The following RNF166 variants were observed in gnomAD, a reference collection of about 807,000 sequenced individuals.
RNF166 encodes the protein ring finger protein 166, also known as E3 ubiquitin-protein ligase RNF166.
A neutral mutation model predicts 29.4 loss-of-function variants in RNF166; 19 were observed. That is an observed-to-expected ratio of 0.65 (90% confidence interval 0.45 to 0.95). The LOEUF is 0.95. RNF166 is among the 40% of genes least tolerant of loss of function. The pLI is 0.00. For synonymous variants in RNF166, 171 were observed against 134.5 expected, an observed-to-expected ratio of 1.27 and a Z score of -1.88; for missense variants, 347 against 322.1, an observed-to-expected ratio of 1.08 and a Z score of -0.59.
At chr16:88,705,620 C>G (rs1034742855) in intron 1 of RNF166, among the ~76,000 whole-genome samples, 2 of 152,240 alleles carry the variant, frequency 1.3e-5, no homozygotes, top group African/African-American at 4.8e-5. Context: ...TGCCTGGCTA[C>G]TCAGTGATCG....
intron 1 of RNF166, 163 bp from the exon 2 acceptor site, chr16:88,701,581 C>T (rs1478015628): frequency 1.5e-6 from 1 of 668,428 alleles, no homozygotes; most frequent in African/African-American, 1.9e-5. Flanking sequence ...ATGTCCGGGG[C>T]CCACCAGCTG....
intron 2 of RNF166, chr16:88,700,495 C>T: frequency 3.3e-6 from 2 of 614,468 alleles, no homozygotes; most frequent in Non-Finnish European, 4.1e-6. Context: ...AGGGCAGCCC[C>T]TGGACATCTG....
Position 88,697,629 on chromosome 16 carries a change from T to C in RNF166, c.653A>G (p.Tyr218Cys). The C allele has an allele frequency of 6.4e-7, 1 of 1,551,058 alleles. No homozygotes were observed. The highest frequency in any genetic ancestry group is 8.7e-7 in the Non-Finnish European group (1 of 1,146,916). Residue 218 changes from tyrosine to cysteine, a missense_variant, in exon 6 of 6, where the codon TAC (tyrosine) becomes TGC (cysteine). Tyr to Cys is a radical substitution (Grantham distance 194). Coordinates refer to ENST00000312838, the MANE Select transcript of RNF166 (RefSeq NM_178841.4). ...HKFSYDTFVD[Y>C]SIDEEAAFQA... is the part of the protein sequence containing the mutation. ...GAAGGCGGCCTCCTCGTCAATACTG[T>C]AGTCCTGGAGACAGGAAGGAGAGAT...
At position 88,696,589 on chromosome 16, in the gene RNF166, G is replaced by A. The variant is rs185084232; in HGVS notation, c.*979C>T. On this transcript the variant is annotated 3_prime_UTR_variant, in exon 6 of 6. Coordinates refer to ENST00000312838, the MANE Select transcript of RNF166 (RefSeq NM_178841.4). ...GAACAGAAAAGAATGTTGACGTGTT[G>A]CCCGGCCCGCCAAGCGGGCCCCTGC... is the stretch of plus-strand genomic sequence containing the variant. 9.6e-4 allele frequency: 434 copies of A among 453,932 alleles called. 1 individual carries two copies. The highest frequency in any genetic ancestry group is 7.5e-3 in the African/African-American group (376 of 49,910). 28.1% of individuals were successfully genotyped at this position (453,932 alleles called of 1,614,324 possible).
At position 88,696,720 on chromosome 16, in the gene RNF166, G is replaced by A. The variant is rs1909671290; in HGVS notation, c.*848C>T. On this transcript the variant is annotated 3_prime_UTR_variant, in exon 6 of 6. Coordinates refer to ENST00000312838, the MANE Select transcript of RNF166 (RefSeq NM_178841.4). Reference sequence around the variant, plus strand: ...GCCAAGGCCAGGACTCTGGGTGGAGGAGGCCCCTTCTCTGCCGGCCCCGCC... The same window carrying A: ...GCCAAGGCCAGGACTCTGGGTGGAGAAGGCCCCTTCTCTGCCGGCCCCGCC... 1 of 408,270 alleles carries A rather than the reference G, an allele frequency of 2.4e-6. No individual in the cohort carries two copies. The highest frequency in any genetic ancestry group is 4.8e-6 in the Non-Finnish European group (1 of 209,522). 25.3% of individuals were successfully genotyped at this position (408,270 alleles called of 1,614,324 possible). A position where few individuals can be genotyped will look rare whatever the true frequency, so the allele number is the denominator to read the frequency against.
intron 2 of RNF166, 78 bp downstream of exon 2, chr16:88,701,184 C>T (rs1164476158): frequency 1.3e-6 from 2 of 1,561,158 alleles, no homozygotes; most frequent in East Asian, 2.2e-5. Flanking sequence ...GCCCCGGCCC[C>T]CACCCTCTGC....
chr16:88,697,775 A>C (rs1015302231), intron 5 of RNF166, 142 bp from the exon 6 acceptor site: 2 of 654,738 alleles, frequency 3.1e-6, no homozygotes, highest in Admixed American at 4.7e-5. Context: ...CACTGTCCCC[A>C]CAGGCTCGGG....
At position 88,699,090 on chromosome 16, in the gene RNF166, C is replaced by A; in HGVS notation, c.426-5G>T. ...GTGGACCTGTTGGGGATGTTGCTGG[C>A]GGGGCGGGGGTAGAGTGAGTGGCAC... On this transcript the variant is annotated splice_polypyrimidine_tract_variant and splice_region_variant and intron_variant, in intron 3 of 5. Transcript: ENST00000312838. The A allele has an allele frequency of 6.3e-7, 1 of 1,591,996 alleles. No homozygotes were observed. The highest frequency in any genetic ancestry group is 8.6e-7 in the Non-Finnish European group (1 of 1,166,474).
At chr16:88,703,878 C>G (rs943433603) in intron 1 of RNF166, 1 of 985,480 alleles carries the variant, frequency 1.0e-6, no homozygotes, top group Non-Finnish European at 1.2e-6. Context: ...GGCCAGCACC[C>G]TCAGCAAGCC....
At position 88,700,688 on chromosome 16, in the gene RNF166, C is replaced by T. The variant is rs574155591; in HGVS notation, c.312+574G>A. ...TGGCTGGGGCCTCTCCACCCTGAAG[C>T]GGATGTGCCAGGGAGGGCCACGGGG... On this transcript the variant is annotated intron_variant, in intron 2 of 5. Transcript: ENST00000312838. 1.8e-4 allele frequency: 173 copies of T among 987,482 alleles called. No homozygotes were observed. In the Middle Eastern group the frequency reaches 5.7e-3, roughly 33 times the overall value. The allele number at this position is 987,482 out of a possible 1,614,324, so 61.2% of individuals were successfully genotyped here. A position where few individuals can be genotyped will look rare whatever the true frequency, so the allele number is the denominator to read the frequency against.
At position 88,699,053 on chromosome 16, in the gene RNF166, G is replaced by A. The variant is rs1338399475; in HGVS notation, c.458C>T (p.Pro153Leu). 2 of 1,610,762 alleles carry A rather than the reference G, an allele frequency of 1.2e-6. No individual in the cohort carries two copies. The highest frequency in any genetic ancestry group is 1.3e-5 in the African/African-American group (1 of 75,032). Residue 153 changes from proline (P) to leucine (L), a missense_variant, in exon 4 of 6, where the codon CCG (proline) becomes CTG (leucine). Physicochemically the swap from Pro to Leu is moderately conservative, Grantham distance 98. Coordinates refer to ENST00000312838, the MANE Select transcript of RNF166 (RefSeq NM_178841.4). ...GTCCAGGTTGCGGGCACCACAGTAC[G>A]GGCAGGCGAAGGTGGACCTGTTGGG... is the stretch of plus-strand genomic sequence containing the variant. The part of the protein sequence containing the change: ...NIPNRSTFAC[P>L]YCGARNLDQQ...
intron 5 of RNF166, 138 bp downstream of exon 5, chr16:88,698,364 G>T (rs796759551): frequency 5.3e-6 from 4 of 761,432 alleles, no homozygotes; most frequent in African/African-American, 1.7e-5. Flanking sequence ...GAACCTGGGG[G>T]AATGTGGCCA....
At chr16:88,703,927 CCCTTCCAGGCAGGTTCG>C in intron 1 of RNF166, 1 of 985,476 alleles carries the variant, frequency 1.0e-6, no homozygotes, top group Non-Finnish European at 1.2e-6. Flanking sequence ...GCTCACACAG[CCCTTCCAGGCAGGTTCG>C]TGATCACGCG....
chr16:88,699,691 C>T lies in RNF166; in HGVS notation c.354G>A (p.Leu118=). 6.2e-7 allele frequency: 1 copy of T among 1,613,446 alleles called. No individual in the cohort carries two copies. The highest frequency in any genetic ancestry group is 8.5e-7 in the Non-Finnish European group (1 of 1,179,872). ...AGTTGGCCATCTGCTCCTGGACCTT[C>T]AGGCAGGACGAAATGTGCACTCTCA... is the stretch of plus-strand genomic sequence containing the variant. The part of the protein sequence containing the change: ...AKMRVHISSC[L]KVQEQMANCP... Residue 118 remains leucine, a synonymous_variant, in exon 3 of 6, where the codon CTG becomes CTA. Coordinates refer to ENST00000312838, the MANE Select transcript of RNF166 (RefSeq NM_178841.4).
intron 5 of RNF166, 89 bp downstream of exon 5, chr16:88,698,413 C>T: frequency 1.9e-6 from 2 of 1,038,246 alleles, no homozygotes; most frequent in East Asian, 2.6e-5. Context: ...CCTCTGAACC[C>T]TGCGGACCCT....
chr16:88,697,714 G>T, intron 5 of RNF166, 81 bp from the exon 6 acceptor site: 1 of 1,026,196 alleles, frequency 9.7e-7, no homozygotes, highest in Non-Finnish European at 1.5e-6. Flanking sequence ...CCACACAGGC[G>T]TGTCCACCCT....
At chr16:88,701,632 T>A in intron 1 of RNF166, 1 of 536,076 alleles carries the variant, frequency 1.9e-6, no homozygotes, top group East Asian at 3.3e-5. Flanking sequence ...CGGTCCCTCC[T>A]GACAGTAGGC....
intron 1 of RNF166, among the ~76,000 whole-genome samples, chr16:88,704,792 C>G (rs907317287): frequency 1.3e-5 from 2 of 152,196 alleles, no homozygotes; most frequent in African/African-American, 4.8e-5. Flanking sequence ...GAGTTCGAGA[C>G]CAGCCTGGCC....
rs573811698 is a variant in RNF166, at chr16:88,701,331, C to T, written c.243G>A (p.Val81=). The change falls in exon 2 of 6, where the codon GTG becomes GTA. Residue 81 remains valine, a synonymous_variant. Coordinates refer to ENST00000312838, the MANE Select transcript of RNF166 (RefSeq NM_178841.4). ...LCRLPFDPKK[V]DKATHVEKQL... ...GCTTCTCCACGTGGGTGGCCTTGTC[C>T]ACCTTCTTGGGGTCGAAGGGCAGGC... is the stretch of plus-strand genomic sequence containing the variant. The T allele has an allele frequency of 5.0e-6, 8 of 1,613,600 alleles. No homozygotes were observed. The East Asian group carries it at 1.3e-4, about 27-fold the overall frequency.
Sources: gnomAD v4.1 joint callset for allele counts (sites outside exome capture counted in the v4.1 genomes callset) on GRCh38, gnomAD v4.1.1 for gene constraint, MANE v1.5 for transcripts, NCBI Gene and HGNC (gene_info 2026-07-23, HGNC 2026-07-21) for gene names.